ZNF280C: variants seen among roughly 807,000 people sequenced by gnomAD.
ZNF280C encodes the protein zinc finger protein 280C, also known as suppressor of hairy wing homolog 3.
Under a neutral mutation model 53.6 loss-of-function variants are expected in ZNF280C, and 14 were observed. The ratio of observed to expected loss-of-function variants is 0.26; its 90% CI spans 0.17 to 0.41. ZNF280C has a LOEUF of 0.41. ZNF280C is among the 10% of genes least tolerant of loss of function. The pLI is 1.00. For missense variants in ZNF280C, 416 were observed against 547.1 expected (o/e 0.76, Z 2.39); for synonymous variants, 203 against 181.1 (o/e 1.12, Z -0.97).
At chrX:130,213,900 G>A (rs2032071300) in intron 15 of ZNF280C, among the ~76,000 whole-genome samples, 2 of 112,207 alleles carry the variant, frequency 1.8e-5, no homozygotes, top group Non-Finnish European at 1.9e-5. Context: ...AGCTGATTAT[G>A]AGCAGAAAAT....
At chrX:130,225,806 A>T (rs144287652) in intron 12 of ZNF280C, among the ~76,000 whole-genome samples, 4 of 112,310 alleles carry the variant, frequency 3.6e-5, no homozygotes, top group Admixed American at 9.4e-5. Flanking sequence ...ACTACATTCA[A>T]GGGCGACGTT....
At chrX:130,248,179 T>C (rs1208927212) in intron 2 of ZNF280C, among the ~76,000 whole-genome samples, 2 of 96,168 alleles carry the variant, frequency 2.1e-5, no homozygotes, top group Non-Finnish European at 4.2e-5. Flanking sequence ...ACTGGTGCAC[T>C]CTTAACACAT....
At chrX:130,261,532 AC>A (rs1337337695) in intron 1 of ZNF280C, among the ~76,000 whole-genome samples, 1 of 112,244 alleles carries the variant, frequency 8.9e-6, no homozygotes, top group African/African-American at 3.2e-5. Flanking sequence ...AAAAGAAGTT[AC>A]TTGTATAAAT....
At chrX:130,252,381 C>T (rs1008264827) in intron 2 of ZNF280C, among the ~76,000 whole-genome samples, 6 of 111,259 alleles carry the variant, frequency 5.4e-5, no homozygotes, top group South Asian at 7.6e-4. Flanking sequence ...TCTCAATACA[C>T]GCAGTAAAGG....
At chrX:130,264,096 T>C (rs1171335107) in intron 1 of ZNF280C, among the ~76,000 whole-genome samples, 2 of 108,153 alleles carry the variant, frequency 1.8e-5, no homozygotes, top group Admixed American at 2.0e-4. Flanking sequence ...TGGTAGGATT[T>C]AAGCTTGGGA....
chrX:130,243,478 C>G, intron 5 of ZNF280C, 85 bp downstream of exon 5: 1 of 1,043,969 alleles, frequency 9.6e-7, no homozygotes, highest in Non-Finnish European at 1.3e-6. Flanking sequence ...AGCCACTGTG[C>G]CCGGCTGACA....
At chrX:130,214,160 A>G (rs2032074480) in intron 15 of ZNF280C, among the ~76,000 whole-genome samples, 1 of 111,184 alleles carries the variant, frequency 9.0e-6, no homozygotes, top group Admixed American at 9.6e-5. Context: ...TAATGAACTT[A>G]TATCTGGAAA....
At chrX:130,245,777 T>C (rs1481979827) in intron 3 of ZNF280C, among the ~76,000 whole-genome samples, 2 of 88,233 alleles carry the variant, frequency 2.3e-5, no homozygotes, top group Admixed American at 2.6e-4. Context: ...TTAGACATAT[T>C]TGAGGACTTT....
At chrX:130,239,737 G>C (rs1452626851) in intron 5 of ZNF280C, 44 bp from the exon 6 acceptor site, 1 of 777,069 alleles carries the variant, frequency 1.3e-6, no homozygotes, top group African/African-American at 2.1e-5. Flanking sequence ...CTTTTATAGA[G>C]ATAAATTTAG....
rs2031958753 is a variant in ZNF280C, at chrX:130,205,168, G to A, written c.2162-15C>T. 8.4e-7 allele frequency: 1 copy of A among 1,193,118 alleles called. No homozygotes were observed. The highest frequency in any genetic ancestry group is 1.1e-6 in the Non-Finnish European group (1 of 882,269). ...ACTTTTGGAAACTGAAATCAAAAGA[G>A]TTTTACATTTACAATAGCATATATG... is the stretch of plus-strand genomic sequence containing the variant. On this transcript the variant is annotated splice_polypyrimidine_tract_variant and intron_variant, in intron 17 of 18. Coordinates refer to ENST00000370978, the MANE Select transcript of ZNF280C (RefSeq NM_017666.5).
intron 16 of ZNF280C, among the ~76,000 whole-genome samples, chrX:130,207,781 C>CTT (rs765907724): frequency 4.2e-4 from 47 of 112,275 alleles, no homozygotes; most frequent in African/African-American, 1.5e-3. Flanking sequence ...CCTTTCTGAA[C>CTT]TTTTATTCAT....
At chrX:130,249,025 T>A (rs771934981) in intron 2 of ZNF280C, among the ~76,000 whole-genome samples, 1 of 111,732 alleles carries the variant, frequency 8.9e-6, no homozygotes, top group South Asian at 3.8e-4. Flanking sequence ...GCAAGACCTG[T>A]GCCCACCAGC....
At chrX:130,226,012 C>A (rs2032217948) in intron 12 of ZNF280C, among the ~76,000 whole-genome samples, 1 of 112,121 alleles carries the variant, frequency 8.9e-6, no homozygotes, top group South Asian at 3.6e-4. Context: ...GTTTTCAGCC[C>A]ACAGGATGCT....
At chrX:130,249,580 A>AG (rs781003905) in intron 2 of ZNF280C, among the ~76,000 whole-genome samples, 19 of 112,092 alleles carry the variant, frequency 1.7e-4, no homozygotes, top group East Asian at 1.1e-3. Flanking sequence ...AAAATCTTCT[A>AG]GAAATGAAGC....
intron 8 of ZNF280C, among the ~76,000 whole-genome samples, chrX:130,234,637 T>C (rs1488597637): frequency 1.8e-5 from 2 of 112,326 alleles, no homozygotes; most frequent in African/African-American, 6.5e-5. Flanking sequence ...CATCACTTAT[T>C]TCCCACATAT....
intron 2 of ZNF280C, among the ~76,000 whole-genome samples, chrX:130,254,134 T>C (rs982267058): frequency 1.8e-5 from 2 of 112,107 alleles, no homozygotes; most frequent in Non-Finnish European, 3.8e-5. Context: ...AAGACATACA[T>C]GCAGGCAACA....
chrX:130,205,093 G>T, intron 18 of ZNF280C, 24 bp downstream of exon 18: 1 of 1,186,760 alleles, frequency 8.4e-7, no homozygotes. Flanking sequence ...AAAGCAAAAT[G>T]CACTGAAGGA....
chrX:130,244,362 A>G (rs2032426319), intron 3 of ZNF280C, among the ~76,000 whole-genome samples: 1 of 112,094 alleles, frequency 8.9e-6, no homozygotes, highest in Non-Finnish European at 1.9e-5. Context: ...GTTACTGAGG[A>G]GTCAAATTGA....
Position 130,205,008 on chromosome X carries a change from A to G in ZNF280C, c.2199-16T>C. 1 of 1,060,375 alleles carries G rather than the reference A, an allele frequency of 9.4e-7. No individual in the cohort carries two copies. 87.4% of individuals were successfully genotyped at this position (1,060,375 alleles called of 1,213,427 possible). On this transcript the variant is annotated splice_polypyrimidine_tract_variant and intron_variant, in intron 18 of 18. Transcript: ENST00000370978. ...CAATGAGCAGCTTTAAGAAAAAAAAAAAAAAACTTTAATATTTTTCATTTA... is the reference window on the plus strand; with the variant it reads ...CAATGAGCAGCTTTAAGAAAAAAAAGAAAAAACTTTAATATTTTTCATTTA...
Sources: gnomAD v4.1 joint callset for allele counts (sites outside exome capture counted in the v4.1 genomes callset) on GRCh38, gnomAD v4.1.1 for gene constraint, MANE v1.5 for transcripts, NCBI Gene and HGNC (gene_info 2026-07-23, HGNC 2026-07-21) for gene names.